Variants in CLNK observed in about 807,000 individuals in gnomAD.
CLNK encodes the protein cytokine-dependent hematopoietic cell linker.
In CLNK, 74 loss-of-function variants were observed where a neutral mutation model predicts 68.6. The observed-to-expected ratio is 1.08, with a 90% CI of 0.89 to 1.31. The LOEUF (loss-of-function observed/expected upper bound fraction) is 1.31. Ranked by LOEUF, CLNK falls within the 50% of genes most tolerant of loss-of-function variation. The pLI, the probability that CLNK is intolerant of heterozygous loss-of-function variation, is 0.00. For synonymous variants in CLNK, 198 were observed against 172.2 expected, an observed-to-expected ratio of 1.15 and a Z score of -1.17; for missense variants, 553 against 515.3, an observed-to-expected ratio of 1.07 and a Z score of -0.71.
chr4:10,501,004 A>G (rs1717020629), intron 18 of CLNK, among the ~76,000 whole-genome samples: 2 of 152,178 alleles, frequency 1.3e-5, no homozygotes, highest in African/African-American at 4.8e-5. Context: ...CAGAGTTTAG[A>G]TGTGTCTTGT....
intron 2 of CLNK, among the ~76,000 whole-genome samples, chr4:10,646,546 G>T (rs1723518285): frequency 6.6e-6 from 1 of 152,202 alleles, no homozygotes; most frequent in African/African-American, 2.4e-5. Context: ...AAATTCCTCA[G>T]TGCCAGTGAA....
In CLNK at chr4:10,487,419, C is replaced by T. The variant is rs1716390859; in HGVS notation, c.*3048G>A. On this transcript the variant is annotated 3_prime_UTR_variant, in exon 19 of 19. Coordinates refer to ENST00000226951, the MANE Select transcript of CLNK (RefSeq NM_052964.4). ...ACAAATACAATCGAATTTATATACT[C>T]TTATTATTTAATCATCCATTACAAG... 6.6e-6 allele frequency: 1 copy of T among 152,138 alleles called. No individual in the cohort carries two copies. The highest frequency in any genetic ancestry group is 2.1e-4 in the South Asian group (1 of 4,824). The allele number at this position is 152,138 out of a possible 1,614,324, so 9.4% of individuals were successfully genotyped here. A position where few individuals can be genotyped will look rare whatever the true frequency, so the allele number is the denominator to read the frequency against.
chr4:10,516,787 G>A (rs2109042589), intron 15 of CLNK, among the ~76,000 whole-genome samples: 1 of 152,238 alleles, frequency 6.6e-6, no homozygotes, highest in South Asian at 2.1e-4. Flanking sequence ...CTGATCTCAG[G>A]CGATCCGCCC....
At chr4:10,643,728 A>G (rs1330084614) in intron 2 of CLNK, among the ~76,000 whole-genome samples, 1 of 152,218 alleles carries the variant, frequency 6.6e-6, no homozygotes, top group Non-Finnish European at 1.5e-5. Flanking sequence ...CAAAATACCA[A>G]TTCAGTTGTA....
rs191784889 is a variant in CLNK, at chr4:10,666,084, A to G, written c.11+1775T>C. ...CATGTGAAATGGAGGCAGAGAGGAG[A>G]GTGATGCGGCCACGGGCAAGGAAAG... On this transcript the variant is annotated intron_variant, in intron 2 of 18. Transcript: ENST00000226951. 3.9e-5 allele frequency among the ~76,000 whole-genome samples: 6 copies of G among 152,270 alleles called. No individual in the cohort carries two copies. The East Asian group carries it at 7.7e-4, about 20-fold the overall frequency.
In CLNK at chr4:10,490,543, T is replaced by C. The variant is rs1716525450; in HGVS notation, c.1211A>G (p.Asp404Gly). The C allele has an allele frequency of 6.2e-7, 1 of 1,607,042 alleles. No individual in the cohort carries two copies. ...CTGTTTCCTGTGGACCCCAGTTTTA[T>C]CTTTCCCATCAATTAGTATAATGGG... ...NFPIILIDGK[D>G]KTGVHRKQCH... is the part of the protein sequence containing the mutation. Residue 404 changes from aspartate to glycine, a missense_variant, in exon 19 of 19, where the codon GAT becomes GGT. Physicochemically the swap from Asp to Gly is moderately conservative, Grantham distance 94. Coordinates refer to ENST00000226951, the MANE Select transcript of CLNK (RefSeq NM_052964.4).
the CLNK span, among the ~76,000 whole-genome samples, chr4:10,696,064 C>T: frequency 2.0e-5 from 3 of 152,084 alleles, no homozygotes; most frequent in East Asian, 1.9e-4. Context: ...CCCTGTTGGC[C>T]GGGCTAGTCT....
chr4:10,599,067 G>A (rs137897656), intron 2 of CLNK, among the ~76,000 whole-genome samples: 131 of 152,306 alleles, frequency 8.6e-4, no homozygotes, highest in African/African-American at 2.3e-3. Context: ...TCACAGACTC[G>A]CTCCTTCACA....
intron 2 of CLNK, among the ~76,000 whole-genome samples, chr4:10,632,295 A>G (rs6844550): frequency 8.1e-4 from 123 of 152,260 alleles, no homozygotes; most frequent in African/African-American, 2.6e-3. Context: ...ACCTCTCTCC[A>G]TCTGACCTCT....
At chr4:10,719,153 A>G in the CLNK span, among the ~76,000 whole-genome samples, 4 of 152,224 alleles carry the variant, frequency 2.6e-5, no homozygotes, top group South Asian at 8.3e-4. Context: ...CAGAAAGAAT[A>G]AACAGAAAAC....
At chr4:10,645,422 C>A (rs1723467708) in intron 2 of CLNK, among the ~76,000 whole-genome samples, 1 of 152,168 alleles carries the variant, frequency 6.6e-6, no homozygotes, top group South Asian at 2.1e-4. Flanking sequence ...TATACTCATC[C>A]TGAAATATCC....
the CLNK span, among the ~76,000 whole-genome samples, chr4:10,713,103 T>A: frequency 2.4e-4 from 36 of 152,326 alleles, no homozygotes; most frequent in Middle Eastern, 3.4e-3. Flanking sequence ...AAATTTTTTC[T>A]CTGCTGCAAG....
intron 2 of CLNK, among the ~76,000 whole-genome samples, chr4:10,601,178 G>C (rs1721579377): frequency 6.6e-6 from 1 of 152,276 alleles, no homozygotes; most frequent in Middle Eastern, 3.4e-3. Context: ...AGGCTAGTTG[G>C]GGGTAGAACC....
At chr4:10,499,139 C>G (rs1377080209) in intron 18 of CLNK, among the ~76,000 whole-genome samples, 1 of 152,094 alleles carries the variant, frequency 6.6e-6, no homozygotes, top group Non-Finnish European at 1.5e-5. Context: ...CCCTTCCTCT[C>G]CACTTTCTTT....
intron 2 of CLNK, among the ~76,000 whole-genome samples, chr4:10,610,045 T>G (rs1488608059): frequency 0.049 from 105 of 2,164 alleles, 7 homozygotes; most frequent in African/African-American, 0.057. Context: ...TTTTTTTTTT[T>G]TTTTTTTTTT....
chr4:10,602,492 A>G (rs997101923), intron 2 of CLNK, among the ~76,000 whole-genome samples: 11 of 152,152 alleles, frequency 7.2e-5, no homozygotes, highest in Non-Finnish European at 1.3e-4. Context: ...GATGGCGGAG[A>G]TTGGAGTGAT....
chr4:10,733,725 G>A, the CLNK span, among the ~76,000 whole-genome samples: 2 of 152,196 alleles, frequency 1.3e-5, no homozygotes, highest in Non-Finnish European at 2.9e-5. Flanking sequence ...GTAGTTGATA[G>A]GAGCTTGTTG....
intron 18 of CLNK, among the ~76,000 whole-genome samples, chr4:10,495,809 A>G (rs182160059): frequency 7.7e-4 from 109 of 141,950 alleles, no homozygotes; most frequent in East Asian, 1.1e-3. Context: ...CGATGAGGAG[A>G]AGGTCACGTG....
At chr4:10,564,626 A>C in intron 7 of CLNK, 45 bp downstream of exon 7, 5 of 1,339,990 alleles carry the variant, frequency 3.7e-6, no homozygotes, top group Non-Finnish European at 5.4e-6. Context: ...CTGGTTAGGA[A>C]GAGCCCTACA....
Sources: allele counts gnomAD v4.1 joint callset (sites outside exome capture counted in the v4.1 genomes callset), GRCh38; gene constraint gnomAD v4.1.1; transcripts MANE v1.5; gene names NCBI Gene and HGNC (gene_info 2026-07-23, HGNC 2026-07-21).